HS6ST2: variants seen among roughly 807,000 people sequenced by gnomAD.
The protein encoded by HS6ST2 is heparan sulfate 6-O-sulfotransferase 2.
HS6ST2 carries 17 observed loss-of-function variants against 33.0 expected under a neutral mutation model. The observed-to-expected ratio is 0.52, with a 90% CI of 0.35 to 0.77. The LOEUF is 0.77. Among genes scored for constraint, HS6ST2 ranks in the 30% least tolerant of loss-of-function variants. The pLI, the probability that HS6ST2 is intolerant of heterozygous loss-of-function variation, is 0.01. For missense variants in HS6ST2, 519 were observed against 551.7 expected, an observed-to-expected ratio of 0.94 and a Z score of 0.59; for synonymous variants, 248 against 237.1, an observed-to-expected ratio of 1.05 and a Z score of -0.42.
chrX:132,632,937 G>A (rs1359732748), intron 4 of HS6ST2, among the ~76,000 whole-genome samples: 2 of 109,121 alleles, frequency 1.8e-5, no homozygotes, highest in African/African-American at 3.3e-5. Context: ...ATTAGTGGGC[G>A]TGGTGGTGCA....
chrX:132,656,076 C>T (rs960976838), intron 4 of HS6ST2, among the ~76,000 whole-genome samples: 5 of 109,463 alleles, frequency 4.6e-5, no homozygotes, highest in Admixed American at 2.9e-4. Flanking sequence ...AGATGCCAGT[C>T]GGGGAGCATT....
chrX:132,862,244 T>C (rs1178068196), intron 2 of HS6ST2, among the ~76,000 whole-genome samples: 1 of 112,299 alleles, frequency 8.9e-6, no homozygotes, highest in Non-Finnish European at 1.9e-5. Context: ...GCCATACTTC[T>C]ATTTTGGGAC....
chrX:132,859,671 G>GGAAGGAAGGAAGGGAGGAA (rs2065890259), intron 2 of HS6ST2, among the ~76,000 whole-genome samples: 1 of 26,566 alleles, frequency 3.8e-5, no homozygotes, highest in African/African-American at 2.8e-4. Context: ...GGAGGAAGAG[G>GGAAGGAAGGAAGGGAGGAA]GAGGGAGGGA....
At chrX:132,901,828 T>C (rs966537345) in intron 2 of HS6ST2, among the ~76,000 whole-genome samples, 1 of 110,963 alleles carries the variant, frequency 9.0e-6, no homozygotes, top group African/African-American at 3.3e-5. Context: ...AAGGCTCAGT[T>C]GAGAAAGCTA....
At chrX:132,782,733 A>G (rs981704686) in intron 2 of HS6ST2, among the ~76,000 whole-genome samples, 6 of 111,413 alleles carry the variant, frequency 5.4e-5, no homozygotes, top group African/African-American at 2.0e-4. Context: ...ATCAGCATAG[A>G]GCTGGTACAC....
At chrX:132,646,833 C>G (rs2063648369) in intron 4 of HS6ST2, among the ~76,000 whole-genome samples, 2 of 111,831 alleles carry the variant, frequency 1.8e-5, no homozygotes, top group Admixed American at 1.9e-4. Flanking sequence ...GGAGGCCTCA[C>G]AGTCATGGCG....
intron 2 of HS6ST2, among the ~76,000 whole-genome samples, chrX:132,711,048 C>T (rs925403366): frequency 3.6e-5 from 4 of 111,751 alleles, no homozygotes; most frequent in African/African-American, 1.3e-4. Flanking sequence ...GGAGAAAAAG[C>T]CATAGGAATA....
chrX:132,920,436 A>G (rs751797632), intron 2 of HS6ST2, among the ~76,000 whole-genome samples: 1 of 111,718 alleles, frequency 9.0e-6, no homozygotes, highest in African/African-American at 3.3e-5. Flanking sequence ...CACAGAAAAA[A>G]AAATCTGGAA....
chrX:132,952,625 TA>T (rs981865148), intron 2 of HS6ST2, among the ~76,000 whole-genome samples: 3 of 109,399 alleles, frequency 2.7e-5, no homozygotes, highest in Admixed American at 2.0e-4. Context: ...TTCCCACAAT[TA>T]AAAAAAAATA....
chrX:132,801,487 A>G (rs1418612158), intron 2 of HS6ST2, among the ~76,000 whole-genome samples: 1 of 111,699 alleles, frequency 9.0e-6, no homozygotes, highest in Non-Finnish European at 1.9e-5. Context: ...TTTTACTTGA[A>G]AAGAAGACTT....
At chrX:132,759,526 T>C (rs1377688774) in intron 2 of HS6ST2, among the ~76,000 whole-genome samples, 2 of 111,190 alleles carry the variant, frequency 1.8e-5, no homozygotes, top group African/African-American at 3.3e-5. Flanking sequence ...TGGGGAGTGA[T>C]TGTTTAATGC....
chrX:132,923,400 G>A (rs1045990133), intron 2 of HS6ST2, among the ~76,000 whole-genome samples: 1 of 111,159 alleles, frequency 9.0e-6, no homozygotes, highest in African/African-American at 3.3e-5. Context: ...TGGTTGGGGG[G>A]TAGGTCTCAG....
chrX:132,719,241 T>C (rs1443972470), intron 2 of HS6ST2, among the ~76,000 whole-genome samples: 1 of 111,959 alleles, frequency 8.9e-6, no homozygotes, highest in Non-Finnish European at 1.9e-5. Context: ...CTCTGCATTT[T>C]ATAGGTCCTG....
intron 2 of HS6ST2, among the ~76,000 whole-genome samples, chrX:132,877,905 T>C: frequency 9.0e-6 from 1 of 111,143 alleles, no homozygotes; most frequent in Non-Finnish European, 1.9e-5. Flanking sequence ...GAGGAGACGG[T>C]CTTGGAAATC....
intron 2 of HS6ST2, among the ~76,000 whole-genome samples, chrX:132,783,215 T>C (rs2148333355): frequency 8.9e-6 from 1 of 111,817 alleles, no homozygotes; most frequent in South Asian, 3.8e-4. Flanking sequence ...AATCATTTGC[T>C]AGGGTAACAT....
chrX:132,896,330 G>A (rs145803177), intron 2 of HS6ST2, among the ~76,000 whole-genome samples: 2 of 110,346 alleles, frequency 1.8e-5, no homozygotes, highest in African/African-American at 3.3e-5. Context: ...AATTACCCAG[G>A]CGTGGTGGTG....
At chrX:132,849,128 G>A (rs769618237) in intron 2 of HS6ST2, among the ~76,000 whole-genome samples, 10 of 111,491 alleles carry the variant, frequency 9.0e-5, no homozygotes, top group Non-Finnish European at 1.3e-4. Flanking sequence ...TTTAATGTCC[G>A]TTTTTCTCTC....
intron 4 of HS6ST2, among the ~76,000 whole-genome samples, chrX:132,657,441 G>A (rs2063738693): frequency 9.1e-6 from 1 of 110,283 alleles, no homozygotes; most frequent in African/African-American, 3.3e-5. Flanking sequence ...ATCTGTGGGA[G>A]AAAAGGGGCA....
rs1286081323 is a variant in HS6ST2, at chrX:132,785,706, G to A, written c.948-77212C>T. 8.0e-5 allele frequency among the ~76,000 whole-genome samples: 9 copies of A among 112,087 alleles called. No individual in the cohort carries two copies. The Admixed American group carries it at 8.5e-4, about 11-fold the overall frequency. On this transcript the variant is annotated intron_variant, in intron 2 of 4. Transcript: ENST00000370833. ...GCCATGATGGAAGTTAAAATTGGGG[G>A]CAGACCAGCCCCAAAACTAGGCTGA...
Sources: allele counts gnomAD v4.1 joint callset (sites outside exome capture counted in the v4.1 genomes callset), GRCh38; gene constraint gnomAD v4.1.1; transcripts MANE v1.5; gene names NCBI Gene and HGNC (gene_info 2026-07-23, HGNC 2026-07-21).